SEMA5B: variants seen among roughly 807,000 people sequenced by gnomAD.
SEMA5B encodes semaphorin 5B, also known as semaphorin-5B.
SEMA5B carries 66 observed loss-of-function variants against 135.0 expected under a neutral mutation model. The observed-to-expected ratio is 0.49, with a 90% CI of 0.40 to 0.60. The LOEUF is 0.60. Among genes scored for constraint, SEMA5B ranks in the 20% least tolerant of loss-of-function variants. The pLI, the probability that SEMA5B is intolerant of heterozygous loss-of-function variation, is 0.00. For synonymous variants in SEMA5B, 690 were observed against 639.5 expected, an observed-to-expected ratio of 1.08 and a Z score of -1.19; for missense variants, 1,501 against 1,566.3, an observed-to-expected ratio of 0.96 and a Z score of 0.70.
intron 20 of SEMA5B, 46 bp downstream of exon 20, chr3:122,911,874 G>T: frequency 6.5e-7 from 1 of 1,544,456 alleles, no homozygotes; most frequent in Non-Finnish European, 8.8e-7. Flanking sequence ...AGTTGGGAGT[G>T]CAGGCTGGGA....
intron 14 of SEMA5B, among the ~76,000 whole-genome samples, chr3:122,914,758 A>G (rs1364022417): frequency 6.6e-6 from 1 of 151,868 alleles, no homozygotes; most frequent in African/African-American, 2.4e-5. Flanking sequence ...ATATAGTGAG[A>G]CTCCTGTTTC....
At chr3:122,957,114 C>T (rs1408227573) in intron 2 of SEMA5B, among the ~76,000 whole-genome samples, 1 of 152,210 alleles carries the variant, frequency 6.6e-6, no homozygotes, top group Non-Finnish European at 1.5e-5. Context: ...GACTTGAGCA[C>T]AAACCTAAAG....
chr3:123,002,365 T>A (rs992184617), intron 1 of SEMA5B, among the ~76,000 whole-genome samples: 2 of 152,220 alleles, frequency 1.3e-5, no homozygotes, highest in Non-Finnish European at 2.9e-5. Flanking sequence ...ACCTACTCAG[T>A]GTCCTGCTCC....
intron 1 of SEMA5B, among the ~76,000 whole-genome samples, chr3:123,002,660 C>G (rs1449526887): frequency 2.6e-5 from 4 of 152,298 alleles, no homozygotes; most frequent in Non-Finnish European, 1.5e-5. Flanking sequence ...CTTGAAGCCC[C>G]GACCTGCAGA....
intron 12 of SEMA5B, among the ~76,000 whole-genome samples, chr3:122,916,944 C>T (rs1445347961): frequency 6.6e-6 from 1 of 152,244 alleles, no homozygotes; most frequent in African/African-American, 2.4e-5. Flanking sequence ...CTCCACTTCT[C>T]ATAGTCCAGA....
In SEMA5B at chr3:122,912,906, C is replaced by T; in HGVS notation, c.2662G>A (p.Gly888Arg). The T allele has an allele frequency of 1.2e-6, 2 of 1,611,362 alleles. No individual in the cohort carries two copies. Among genetic ancestry groups the T allele is most frequent in the Non-Finnish European group, 1.7e-6 (2 of 1,178,844 alleles). The change falls in exon 18 of 23, where the codon GGG becomes AGG. Residue 888 changes from glycine (G) to arginine (R), a missense_variant. Gly to Arg is a moderately radical substitution (Grantham distance 125). Transcript: ENST00000357599. ...RTCTNPEPRNGGLPCVGDAAE... is the reference protein window; with the variant it reads ...RTCTNPEPRNRGLPCVGDAAE... ...GCATCGCCCACGCAGGGCAGGCCCCCGTTGCGGGGCTCCGGGTTAGTGCAC... is the reference window on the plus strand; with the variant it reads ...GCATCGCCCACGCAGGGCAGGCCCCTGTTGCGGGGCTCCGGGTTAGTGCAC...
chr3:122,944,698 C>T (rs748703825), intron 3 of SEMA5B, among the ~76,000 whole-genome samples: 3 of 62,488 alleles, frequency 4.8e-5, no homozygotes, highest in African/African-American at 6.7e-5. Flanking sequence ...GGCCTCTGGG[C>T]GGATGGGGAG....
At chr3:123,014,800 G>A (rs1560447079) in intron 1 of SEMA5B, among the ~76,000 whole-genome samples, 3 of 152,218 alleles carry the variant, frequency 2.0e-5, no homozygotes, top group Non-Finnish European at 4.4e-5. Flanking sequence ...AAAAGCTGCA[G>A]CACTGTTGTA....
chr3:122,983,557 T>C (rs1941597082), intron 1 of SEMA5B, among the ~76,000 whole-genome samples: 1 of 151,080 alleles, frequency 6.6e-6, no homozygotes, highest in Admixed American at 6.6e-5. Flanking sequence ...CAGAGTCCTA[T>C]TACTTGACTT....
intron 1 of SEMA5B, among the ~76,000 whole-genome samples, chr3:122,999,457 G>A (rs113952615): frequency 3.3e-5 from 5 of 151,740 alleles, no homozygotes; most frequent in African/African-American, 4.8e-5. Flanking sequence ...ACTCCCTACC[G>A]CAGGTGATCC....
chr3:123,005,833 A>T (rs1209936844), intron 1 of SEMA5B, among the ~76,000 whole-genome samples: 1 of 152,126 alleles, frequency 6.6e-6, no homozygotes, highest in Non-Finnish European at 1.5e-5. Flanking sequence ...TACCATGCAG[A>T]CTGTTTTTGT....
chr3:122,939,246 G>A (rs55699792), intron 5 of SEMA5B, among the ~76,000 whole-genome samples, 179 bp downstream of exon 5: 38,248 of 152,094 alleles, frequency 0.25, 4,856 homozygotes, highest in East Asian at 0.33. Flanking sequence ...CTCCCTCCAC[G>A]TACATTGCGG....
At chr3:123,003,151 G>A (rs907773661) in intron 1 of SEMA5B, among the ~76,000 whole-genome samples, 1 of 152,080 alleles carries the variant, frequency 6.6e-6, no homozygotes, top group East Asian at 1.9e-4. Flanking sequence ...AAGTACTGAG[G>A]ACACAAAAGT....
chr3:123,010,982 C>T (rs1177231464), intron 1 of SEMA5B, among the ~76,000 whole-genome samples: 2 of 152,192 alleles, frequency 1.3e-5, no homozygotes, highest in African/African-American at 4.8e-5. Flanking sequence ...GAGGCCAGGA[C>T]ATTTCTGTGA....
chr3:122,998,184 C>A (rs577668247), intron 1 of SEMA5B, among the ~76,000 whole-genome samples: 9 of 152,054 alleles, frequency 5.9e-5, no homozygotes, highest in Non-Finnish European at 1.3e-4. Flanking sequence ...CTCCCAGGGC[C>A]CATCCACAAA....
At chr3:123,007,936 C>T (rs921248034) in intron 1 of SEMA5B, among the ~76,000 whole-genome samples, 1 of 152,148 alleles carries the variant, frequency 6.6e-6, no homozygotes, top group African/African-American at 2.4e-5. Flanking sequence ...AGGAGGCAGA[C>T]CAAACTAAGG....
intron 5 of SEMA5B, among the ~76,000 whole-genome samples, chr3:122,929,971 C>T (rs1938879317): frequency 6.6e-6 from 1 of 152,196 alleles, no homozygotes; most frequent in South Asian, 2.1e-4. Context: ...GTCAACAGCC[C>T]TGGCGTGGCT....
At chr3:122,926,338 G>A in intron 9 of SEMA5B, 54 bp downstream of exon 9, 1 of 1,538,782 alleles carries the variant, frequency 6.5e-7, no homozygotes, top group Admixed American at 1.8e-5. Flanking sequence ...AGGCCATGAG[G>A]CCAGGCCAGC....
intron 5 of SEMA5B, among the ~76,000 whole-genome samples, chr3:122,937,361 C>T (rs1030570541): frequency 2.0e-5 from 3 of 152,208 alleles, no homozygotes; most frequent in Admixed American, 6.5e-5. Context: ...ACAGGAGGAC[C>T]GGGCACTGAA....
Sources: allele counts gnomAD v4.1 joint callset (sites outside exome capture counted in the v4.1 genomes callset), GRCh38; gene constraint gnomAD v4.1.1; transcripts MANE v1.5; gene names NCBI Gene and HGNC (gene_info 2026-07-23, HGNC 2026-07-21).